Variants in KAZN observed in about 807,000 individuals in gnomAD.
KAZN encodes the protein kazrin, periplakin interacting protein.
Under a neutral mutation model 87.4 loss-of-function variants are expected in KAZN, and 40 were observed. That is an observed-to-expected ratio of 0.46 (90% CI 0.36 to 0.60). The LOEUF (loss-of-function observed/expected upper bound fraction) is 0.60, where lower values mean the gene tolerates loss of function less well. KAZN is among the 20% of genes least tolerant of loss of function. The pLI is 0.00. For synonymous variants in KAZN, 466 were observed against 458.3 expected (o/e 1.02, Z -0.22); for missense variants, 898 against 1,073.9 (o/e 0.84, Z 2.29).
intron 1 of KAZN, among the ~76,000 whole-genome samples, chr1:14,762,369 T>C (rs192999275): frequency 5.3e-5 from 8 of 152,188 alleles, no homozygotes; most frequent in African/African-American, 1.9e-4. Flanking sequence ...GCAGCCCAAG[T>C]TGGAGCTTGT....
chr1:14,255,011 C>T (rs901061938), intron 2 of KAZN, among the ~76,000 whole-genome samples: 8 of 151,304 alleles, frequency 5.3e-5, no homozygotes, highest in African/African-American at 1.9e-4. Context: ...ATCCCACCTA[C>T]TCAGGAGGCT....
intron 1 of KAZN, among the ~76,000 whole-genome samples, chr1:14,611,145 G>T (rs1429973669): frequency 6.6e-6 from 1 of 152,182 alleles, no homozygotes; most frequent in East Asian, 1.9e-4. Flanking sequence ...AATGGAAGGG[G>T]AGGTATCAAC....
At chr1:15,008,560 C>T (rs889378283) in intron 2 of KAZN, among the ~76,000 whole-genome samples, 7 of 152,224 alleles carry the variant, frequency 4.6e-5, no homozygotes, top group African/African-American at 1.7e-4. Flanking sequence ...TCGCAGAGGT[C>T]ATTTCATGTG....
intron 2 of KAZN, among the ~76,000 whole-genome samples, chr1:14,999,962 G>GC (rs1317506802): frequency 1.3e-5 from 2 of 152,130 alleles, no homozygotes; most frequent in African/African-American, 2.4e-5. Flanking sequence ...AATAATGCCC[G>GC]CCCCCCAAGA....
intron 2 of KAZN, among the ~76,000 whole-genome samples, chr1:14,414,146 T>C (rs1320772107): frequency 3.3e-5 from 5 of 152,110 alleles, no homozygotes; most frequent in African/African-American, 1.2e-4. Context: ...TGTAGAGACA[T>C]AGGAATTCTT....
chr1:14,261,970 G>A (rs1432630476), intron 2 of KAZN, among the ~76,000 whole-genome samples: 3 of 152,130 alleles, frequency 2.0e-5, no homozygotes, highest in Non-Finnish European at 4.4e-5. Flanking sequence ...CATACATCAT[G>A]CTTTTAGGGG....
chr1:15,114,362 T>G (rs1044026945), intron 14 of KAZN, 109 bp from the exon 15 acceptor site: 2 of 879,268 alleles, frequency 2.3e-6, no homozygotes, highest in African/African-American at 3.4e-5. Flanking sequence ...AGAGGTTAAG[T>G]AAGTTACTCA....
At chr1:14,679,783 G>C (rs985224496) in intron 1 of KAZN, among the ~76,000 whole-genome samples, 10 of 152,148 alleles carry the variant, frequency 6.6e-5, no homozygotes, top group African/African-American at 1.9e-4. Context: ...TGGCTAGTCG[G>C]ATAGGCATCA....
In KAZN at chr1:14,341,389, A is replaced by G. The variant is rs116234856; in HGVS notation, c.249+160797A>G. 8.2e-3 allele frequency among the ~76,000 whole-genome samples: 1,247 copies of G among 152,262 alleles called. 19 individuals are homozygous for G. Among genetic ancestry groups the G allele is most frequent in the African/African-American group, 0.028 (1,181 of 41,544 alleles). ...GTGCAATCCTGTTGAATCCTAAGTCAGATCCTGCAGCTCCTGGGCTCAGGG... is the reference window on the plus strand; with the variant it reads ...GTGCAATCCTGTTGAATCCTAAGTCGGATCCTGCAGCTCCTGGGCTCAGGG... On this transcript the variant is annotated intron_variant, in intron 2 of 16. Coordinates refer to the KAZN transcript ENST00000636203.
Position 14,364,307 on chromosome 1 carries a change from C to G in KAZN, c.249+183715C>G, listed in dbSNP as rs531814418. Among the ~76,000 whole-genome samples, 18 of 152,292 alleles carry G rather than the reference C, an allele frequency of 1.2e-4. No individual in the cohort carries two copies. In the South Asian group the frequency reaches 3.7e-3, roughly 32 times the overall value. ...GTGGAACTAAGGGGAACACGATTTA[C>G]TAATCTATGCCTCAGTTTCTTCCAC... is the stretch of plus-strand genomic sequence containing the variant. On this transcript the variant is annotated intron_variant, in intron 2 of 16. Transcript: ENST00000636203.
Position 14,453,080 on chromosome 1 carries a change from CA to C in KAZN, c.250-145901del, listed in dbSNP as rs1327077044. 4.0e-4 allele frequency among the ~76,000 whole-genome samples: 60 copies of C among 151,476 alleles called. 1 individual carries two copies. The highest frequency in any genetic ancestry group is 3.9e-3 in the Admixed American group (60 of 15,214). ...ATGCCATTCTTCTGCCTCAGCCTCC[CA>C]AGTAGCTGGGACTACAGGCGCCCAC... On this transcript the variant is annotated intron_variant, in intron 2 of 16. Transcript: ENST00000636203.
intron 1 of KAZN, among the ~76,000 whole-genome samples, chr1:13,924,014 G>T (rs1203702): frequency 0.98 from 148,573 of 152,178 alleles, 72,552 homozygotes; most frequent in East Asian, 1. Flanking sequence ...ATAGAGAATG[G>T]ATGGGAGGGC....
At chr1:13,927,997 G>A (rs1333690354) in intron 1 of KAZN, among the ~76,000 whole-genome samples, 3 of 152,222 alleles carry the variant, frequency 2.0e-5, no homozygotes, top group Non-Finnish European at 4.4e-5. Flanking sequence ...AGAGAGCCGA[G>A]TCAATGGCAG....
At chr1:14,387,750 A>T (rs6669069) in intron 2 of KAZN, among the ~76,000 whole-genome samples, 1 of 150,990 alleles carries the variant, frequency 6.6e-6, no homozygotes, top group Non-Finnish European at 1.5e-5. Context: ...GTCTGCAGAG[A>T]TTACTGCTGT....
chr1:14,228,654 A>G (rs1647516852), intron 2 of KAZN, among the ~76,000 whole-genome samples: 1 of 152,188 alleles, frequency 6.6e-6, no homozygotes, highest in Non-Finnish European at 1.5e-5. Context: ...ACTCTGGGAG[A>G]AGATGGCTGA....
chr1:14,220,675 G>T (rs1378238913), intron 2 of KAZN, among the ~76,000 whole-genome samples: 1 of 152,134 alleles, frequency 6.6e-6, no homozygotes, highest in African/African-American at 2.4e-5. Context: ...CTTAGGTTAT[G>T]AATATTAGAA....
intron 1 of KAZN, among the ~76,000 whole-genome samples, chr1:14,041,870 C>T (rs1207262706): frequency 6.6e-6 from 1 of 152,206 alleles, no homozygotes; most frequent in Admixed American, 6.5e-5. Context: ...GAATCTTTCT[C>T]TTACAATTCT....
chr1:14,109,474 T>C (rs182136080), intron 1 of KAZN, among the ~76,000 whole-genome samples: 156 of 152,260 alleles, frequency 1.0e-3, no homozygotes, highest in Middle Eastern at 3.4e-3. Context: ...CTACTCTGAG[T>C]TCCTTAGCTT....
chr1:14,927,386 G>A (rs1243966465), intron 1 of KAZN, among the ~76,000 whole-genome samples: 2 of 152,210 alleles, frequency 1.3e-5, no homozygotes, highest in Non-Finnish European at 2.9e-5. Flanking sequence ...TATAGTCTGT[G>A]GGAGGAGATT....
Sources: allele counts gnomAD v4.1 joint callset (sites outside exome capture counted in the v4.1 genomes callset), GRCh38; gene constraint gnomAD v4.1.1; transcripts MANE v1.5; gene names NCBI Gene and HGNC (gene_info 2026-07-23, HGNC 2026-07-21).